POM121C: variants seen among roughly 807,000 people sequenced by gnomAD.
POM121C encodes the protein POM121 transmembrane nucleoporin C.
A neutral mutation model predicts 66.4 loss-of-function variants in POM121C; 20 were observed. The observed-to-expected ratio is 0.30, with a 90% CI of 0.21 to 0.44. POM121C has a LOEUF of 0.44. POM121C is among the 20% of genes least tolerant of loss of function. The probability of loss-of-function intolerance (pLI) is 1.00; values close to 1 mark genes in which losing one functional copy is unlikely to be tolerated. For synonymous variants in POM121C, 286 were observed against 528.0 expected, an observed-to-expected ratio of 0.54 and a Z score of 6.28; for missense variants, 580 against 1,225.7, an observed-to-expected ratio of 0.47 and a Z score of 7.87.
chr7:75,483,113 G>A lies in POM121C; in HGVS notation c.-458+2751C>T, dbSNP rs587632605. On this transcript the variant is annotated intron_variant, in intron 1 of 14. Coordinates refer to ENST00000615331, the MANE Select transcript of POM121C (RefSeq NM_001099415.3). ...AGGACTCAACAGTAAAAACAGAATT[G>A]TTTACTTGGATCACGATATTTCCGT... Among the ~76,000 whole-genome samples the A allele has an allele frequency of 5.9e-5, 9 of 152,050 alleles. No individual in the cohort carries two copies. The East Asian group carries it at 1.7e-3, about 29-fold the overall frequency.
At position 75,418,472 on chromosome 7, in the gene POM121C, G is replaced by A. The variant is rs1778681149; in HGVS notation, c.*324C>T. On this transcript the variant is annotated 3_prime_UTR_variant, in exon 15 of 15. Coordinates refer to ENST00000615331, the MANE Select transcript of POM121C (RefSeq NM_001099415.3). Reference sequence around the variant, plus strand: ...GACGGCTCTCGGGGAAAGGTGGAAGGGGCGCCTGCCTAAGGGTGCGCTAAG... The same window carrying A: ...GACGGCTCTCGGGGAAAGGTGGAAGAGGCGCCTGCCTAAGGGTGCGCTAAG... The A allele has an allele frequency of 4.6e-6, 5 of 1,076,508 alleles. No individual in the cohort carries two copies. Among genetic ancestry groups the A allele is most frequent in the Non-Finnish European group, 5.6e-6 (5 of 889,346 alleles). 66.7% of individuals were successfully genotyped at this position (1,076,508 alleles called of 1,614,324 possible). A position where few individuals can be genotyped will look rare whatever the true frequency, so the allele number is the denominator to read the frequency against.
intron 3 of POM121C, among the ~76,000 whole-genome samples, chr7:75,461,526 C>T (rs1791440489): frequency 1.3e-5 from 2 of 152,088 alleles, no homozygotes; most frequent in African/African-American, 4.8e-5. Context: ...AGCAATTTTC[C>T]TGCCTCAGCT....
intron 1 of POM121C, among the ~76,000 whole-genome samples, chr7:75,476,592 G>T (rs1554479399): frequency 6.6e-6 from 1 of 152,046 alleles, no homozygotes; most frequent in Non-Finnish European, 1.5e-5. Flanking sequence ...TTATCCACAG[G>T]CAGGCCAAAG....
intron 3 of POM121C, among the ~76,000 whole-genome samples, chr7:75,450,952 G>T (rs1191888027): frequency 2.0e-5 from 3 of 152,074 alleles, no homozygotes; most frequent in Non-Finnish European, 4.4e-5. Flanking sequence ...AGCAGACAAA[G>T]ACTTTTTAAA....
chr7:75,439,378 G>A (rs1199345470), intron 5 of POM121C, among the ~76,000 whole-genome samples, 154 bp from the exon 6 acceptor site: 1 of 151,516 alleles, frequency 6.6e-6, no homozygotes, highest in African/African-American at 2.4e-5. Context: ...CTAAGTTTCT[G>A]AAAGGTAAAT....
chr7:75,481,899 T>C (rs1792323683), intron 1 of POM121C, among the ~76,000 whole-genome samples: 1 of 152,114 alleles, frequency 6.6e-6, no homozygotes, highest in African/African-American at 2.4e-5. Flanking sequence ...CCTCCCCTAA[T>C]GAAGGCAAAT....
intron 1 of POM121C, among the ~76,000 whole-genome samples, chr7:75,481,629 C>G (rs1792312241): frequency 6.6e-6 from 1 of 152,088 alleles, no homozygotes; most frequent in Admixed American, 6.6e-5. Context: ...CAGTTCAAGA[C>G]CAGCCTGGGC....
At chr7:75,451,209 T>C (rs1336638396) in intron 3 of POM121C, among the ~76,000 whole-genome samples, 23 of 152,022 alleles carry the variant, frequency 1.5e-4, no homozygotes, top group Non-Finnish European at 2.9e-4. Context: ...AACGAGCCCA[T>C]ATAGCCAAGA....
In POM121C at chr7:75,418,865, A is replaced by T. The variant is rs367704117; in HGVS notation, c.2895T>A (p.Gly965=). The T allele has an allele frequency of 1.5e-5, 24 of 1,611,666 alleles. No homozygotes were observed. The African/African-American group carries it at 2.1e-4, about 14-fold the overall frequency. ...FGSAAPSFSI[G]AGSKTPGARQ... ...GAGCCCCTGGGGTCTTGGATCCCGC[A>T]CCAATGGAAAATGAAGGGGCCGCCG... The change falls in exon 15 of 15, where the codon GGT becomes GGA. Residue 965 remains glycine, a synonymous_variant. Transcript: ENST00000615331.
chr7:75,452,901 C>T (rs1413159688), intron 3 of POM121C, among the ~76,000 whole-genome samples: 1 of 152,146 alleles, frequency 6.6e-6, no homozygotes, highest in Non-Finnish European at 1.5e-5. Flanking sequence ...TCAGTTGCAT[C>T]TCTCACCAAC....
chr7:75,462,060 T>C (rs1791462562), intron 3 of POM121C, among the ~76,000 whole-genome samples: 1 of 145,300 alleles, frequency 6.9e-6, no homozygotes, highest in Non-Finnish European at 1.5e-5. Flanking sequence ...AGGTTTACAA[T>C]AACCAGATCA....
In POM121C at chr7:75,466,004, G is replaced by C. The variant is rs368428614; in HGVS notation, c.-152+8700C>G. 1.4e-4 allele frequency among the ~76,000 whole-genome samples: 20 copies of C among 148,082 alleles called. No homozygotes were observed. The East Asian group carries it at 1.8e-3, about 14-fold the overall frequency. ...CTGGGCATGGTGGTGCATACCTGTA[G>C]TCCCAAGTATTTGAGAGACTGTGGT... On this transcript the variant is annotated intron_variant, in intron 3 of 14. Transcript: ENST00000615331.
intron 1 of POM121C, among the ~76,000 whole-genome samples, chr7:75,477,133 ACT>A (rs1491371897): frequency 6.8e-6 from 1 of 146,848 alleles, no homozygotes; most frequent in African/African-American, 2.5e-5. Flanking sequence ...ACACACACAC[ACT>A]CTTATGCCTC....
In POM121C at chr7:75,441,604, T is replaced by C. The variant is rs1370822039; in HGVS notation, c.-108A>G. On this transcript the variant is annotated 5_prime_UTR_variant, in exon 4 of 15. Transcript: ENST00000615331. ...TGGGTCTGATGGATCGGATAGCGTCTTCGAGGTGTTATTACAAACCGATCT... is the reference window on the plus strand; with the variant it reads ...TGGGTCTGATGGATCGGATAGCGTCCTCGAGGTGTTATTACAAACCGATCT... 1.1e-5 allele frequency: 17 copies of C among 1,584,346 alleles called. No individual in the cohort carries two copies. Among genetic ancestry groups the C allele is most frequent in the Non-Finnish European group, 1.5e-5 (17 of 1,164,702 alleles).
intron 7 of POM121C, among the ~76,000 whole-genome samples, chr7:75,430,405 A>G (rs1790120518): frequency 6.6e-6 from 1 of 152,202 alleles, no homozygotes; most frequent in Admixed American, 6.5e-5. Context: ...CAGAGAAATA[A>G]GGATGGTCCT....
At chr7:75,459,678 T>TAAATTAAA (rs1791383879) in intron 3 of POM121C, among the ~76,000 whole-genome samples, 1 of 144,516 alleles carries the variant, frequency 6.9e-6, no homozygotes, top group Non-Finnish European at 1.5e-5. Flanking sequence ...GTATAAAAAT[T>TAAATTAAA]AAATTAAAAA....
intron 7 of POM121C, among the ~76,000 whole-genome samples, chr7:75,428,701 C>T (rs1325619397): frequency 2.0e-5 from 3 of 152,190 alleles, no homozygotes; most frequent in South Asian, 2.1e-4. Context: ...CCAAAGGGGC[C>T]GGATGAGGTG....
intron 3 of POM121C, among the ~76,000 whole-genome samples, chr7:75,469,739 C>G (rs1791799370): frequency 6.6e-6 from 1 of 152,138 alleles, no homozygotes; most frequent in East Asian, 1.9e-4. Context: ...TTCGCTCCAG[C>G]CTCATTGGCT....
intron 3 of POM121C, among the ~76,000 whole-genome samples, chr7:75,447,212 ATTAATT>A (rs1310244899): frequency 1.8e-3 from 275 of 151,744 alleles, no homozygotes; most frequent in African/African-American, 6.1e-3. Context: ...AGACATTAAC[ATTAATT>A]TTAACTATAT....
Sources: gnomAD v4.1 joint callset for allele counts (sites outside exome capture counted in the v4.1 genomes callset) on GRCh38, gnomAD v4.1.1 for gene constraint, MANE v1.5 for transcripts, NCBI Gene and HGNC (gene_info 2026-07-23, HGNC 2026-07-21) for gene names.